Variants in NRG1 observed in about 807,000 individuals in gnomAD.
NRG1 encodes neuregulin 1.
Under a neutral mutation model 63.8 loss-of-function variants are expected in NRG1, and 18 were observed. The observed-to-expected ratio is 0.28, with a 90% CI of 0.19 to 0.42. The LOEUF is 0.42. Ranked by LOEUF, NRG1 falls within the 10% of genes least tolerant of loss-of-function variation. The probability of loss-of-function intolerance (pLI) is 1.00; values close to 1 mark genes in which losing one functional copy is unlikely to be tolerated. For synonymous variants in NRG1, 302 were observed against 301.3 expected, an observed-to-expected ratio of 1.00 and a Z score of -0.02; for missense variants, 762 against 814.7, an observed-to-expected ratio of 0.94 and a Z score of 0.79.
At chr8:31,797,637 G>T (rs1433908454) in intron 1 of NRG1, among the ~76,000 whole-genome samples, 2 of 152,156 alleles carry the variant, frequency 1.3e-5, no homozygotes, top group East Asian at 3.8e-4. Context: ...ACAAATTCAG[G>T]ATATTGAAGA....
chr8:32,283,999 A>G (rs7824399), intron 1 of NRG1, among the ~76,000 whole-genome samples: 111,838 of 152,040 alleles, frequency 0.74, 42,154 homozygotes, highest in African/African-American at 0.91. Context: ...CCTGGTGCTT[A>G]AGAGTTTCAG....
intron 1 of NRG1, among the ~76,000 whole-genome samples, chr8:32,344,178 A>G (rs10503909): frequency 0.14 from 20,604 of 152,222 alleles, 1,459 homozygotes; most frequent in South Asian, 0.16. Flanking sequence ...TGCAGATAGC[A>G]TTACTTTAAT....
At chr8:32,095,200 G>A (rs2131308776) in intron 1 of NRG1, among the ~76,000 whole-genome samples, 1 of 152,252 alleles carries the variant, frequency 6.6e-6, no homozygotes, top group South Asian at 2.1e-4. Context: ...GTGAGCCTCT[G>A]CGCCGTGCCA....
upstream of NRG1, chr8:32,548,175 CGGGGTGGGGGT>C (rs1833319029): frequency 1.0e-6 from 1 of 953,960 alleles, no homozygotes; most frequent in African/African-American, 1.8e-5. Context: ...GTCCGCGCCT[CGGGGTGGGGGT>C]GTGGTGGGGA....
At chr8:31,864,730 G>A (rs1828798120) in intron 1 of NRG1, among the ~76,000 whole-genome samples, 1 of 152,210 alleles carries the variant, frequency 6.6e-6, no homozygotes. Flanking sequence ...ACTGAAATGT[G>A]TGAGGGTCAG....
intron 5 of NRG1, among the ~76,000 whole-genome samples, chr8:32,619,946 G>T (rs1298949788): frequency 6.6e-6 from 1 of 152,092 alleles, no homozygotes; most frequent in Non-Finnish European, 1.5e-5. Flanking sequence ...ACCAGGTCCA[G>T]TCTTAGTTAC....
chr8:32,325,588 A>T (rs764034746), intron 1 of NRG1, among the ~76,000 whole-genome samples: 7 of 152,130 alleles, frequency 4.6e-5, no homozygotes, highest in Non-Finnish European at 8.8e-5. Flanking sequence ...CATGTTGACC[A>T]GGCTGGTCTG....
chr8:32,160,569 T>C (rs1172300706), intron 1 of NRG1, among the ~76,000 whole-genome samples: 1 of 152,232 alleles, frequency 6.6e-6, no homozygotes, highest in Non-Finnish European at 1.5e-5. Flanking sequence ...AACATCTTCA[T>C]GTTCAGGACA....
intron 1 of NRG1, among the ~76,000 whole-genome samples, chr8:31,980,993 T>C (rs1808975968): frequency 6.6e-6 from 1 of 152,058 alleles, no homozygotes; most frequent in Non-Finnish European, 1.5e-5. Flanking sequence ...ATATTTCTTC[T>C]ACCTATTTAC....
chr8:31,967,271 G>A (rs1031285342), intron 1 of NRG1, among the ~76,000 whole-genome samples: 4 of 151,858 alleles, frequency 2.6e-5, no homozygotes, highest in African/African-American at 4.8e-5. Flanking sequence ...CCTCCTCCAC[G>A]CCCTCTTTCT....
intron 1 of NRG1, among the ~76,000 whole-genome samples, chr8:32,149,964 T>G (rs1158299054): frequency 6.6e-6 from 1 of 152,196 alleles, no homozygotes; most frequent in Admixed American, 6.5e-5. Flanking sequence ...TAATGCTGGT[T>G]TTCTTGGCAG....
intron 1 of NRG1, chr8:32,099,444 C>T (rs1306646248): frequency 1.3e-5 from 2 of 152,294 alleles, no homozygotes; most frequent in Non-Finnish European, 2.9e-5. Context: ...ATATGGTGAC[C>T]ATCTAAGGAA....
chr8:31,983,325 A>C (rs2129631153), intron 1 of NRG1, among the ~76,000 whole-genome samples: 1 of 152,176 alleles, frequency 6.6e-6, no homozygotes, highest in Middle Eastern at 3.4e-3. Flanking sequence ...TAGCATGGTA[A>C]AAGTGCAGTC....
chr8:31,829,490 T>C (rs1416100374), intron 1 of NRG1, among the ~76,000 whole-genome samples: 2 of 152,212 alleles, frequency 1.3e-5, no homozygotes, highest in Admixed American at 1.3e-4. Flanking sequence ...ATCTATAATA[T>C]ACTTGGGTAA....
intron 1 of NRG1, among the ~76,000 whole-genome samples, chr8:32,010,645 T>C (rs770773417): frequency 2.6e-4 from 40 of 152,242 alleles, no homozygotes; most frequent in Middle Eastern, 3.4e-3. Flanking sequence ...AATGGGTTAT[T>C]ACTCTGTTAT....
At chr8:32,341,262 T>C (rs1804040186) in intron 1 of NRG1, among the ~76,000 whole-genome samples, 1 of 152,218 alleles carries the variant, frequency 6.6e-6, no homozygotes, top group South Asian at 2.1e-4. Context: ...ATTATTCCAC[T>C]TTGCATTTCT....
At chr8:32,325,647 G>A (rs1442480015) in intron 1 of NRG1, among the ~76,000 whole-genome samples, 1 of 152,116 alleles carries the variant, frequency 6.6e-6, no homozygotes, top group Admixed American at 6.5e-5. Flanking sequence ...CCAAAGTGCT[G>A]GGAATATAGG....
In NRG1 at chr8:32,653,564, T is replaced by G. The variant is rs141528871; in HGVS notation, c.502+36679T>G. On this transcript the variant is annotated intron_variant, in intron 5 of 11. Coordinates refer to ENST00000356819, the Ensembl canonical transcript of NRG1. ...AAACCATTGGAGTAGTGAGAAAAAT[T>G]TGATCTGTCTGGCCCTTTAGGAGCA... Among the ~76,000 whole-genome samples, 382 of 152,294 alleles carry G rather than the reference T, an allele frequency of 2.5e-3. 2 individuals carry two copies. Among genetic ancestry groups the G allele is most frequent in the African/African-American group, 8.7e-3 (361 of 41,568 alleles).
intron 1 of NRG1, among the ~76,000 whole-genome samples, chr8:32,477,832 C>T (rs1302858680): frequency 6.6e-6 from 1 of 152,066 alleles, no homozygotes; most frequent in Admixed American, 6.6e-5. Context: ...AGTTTAACTC[C>T]ATATATAATT....
Sources: allele counts gnomAD v4.1 joint callset (sites outside exome capture counted in the v4.1 genomes callset), GRCh38; gene constraint gnomAD v4.1.1; transcripts MANE v1.5; gene names NCBI Gene and HGNC (gene_info 2026-07-23, HGNC 2026-07-21).